The following KANSL1 variants were observed in gnomAD, a reference collection of about 807,000 sequenced individuals.
KANSL1 encodes KAT8 regulatory NSL complex subunit 1, also known as MLL1/MLL complex subunit KANSL1.
In KANSL1, 22 loss-of-function variants were observed where a neutral mutation model predicts 103.6. The observed-to-expected ratio is 0.21, with a 90% CI of 0.15 to 0.30. KANSL1 has a LOEUF of 0.30. Ranked by LOEUF, KANSL1 falls within the 10% of genes least tolerant of loss-of-function variation. The pLI is 1.00. For missense variants in KANSL1, 1,337 were observed against 1,399.8 expected, an observed-to-expected ratio of 0.96 and a Z score of 0.72; for synonymous variants, 600 against 527.6, an observed-to-expected ratio of 1.14 and a Z score of -1.88.
chr17:46,120,813 CAT>C (rs1185386627), intron 2 of KANSL1, among the ~76,000 whole-genome samples: 1 of 152,120 alleles, frequency 6.6e-6, no homozygotes, highest in Admixed American at 6.6e-5. Flanking sequence ...AAATGTAAAA[CAT>C]GTACTTACCA....
chr17:46,168,560 T>G (rs1048106885), intron 2 of KANSL1, among the ~76,000 whole-genome samples: 3 of 152,186 alleles, frequency 2.0e-5, no homozygotes, highest in Non-Finnish European at 2.9e-5. Context: ...TTGGTCAAAC[T>G]GGTCTCGAAC....
intron 2 of KANSL1, among the ~76,000 whole-genome samples, chr17:46,135,965 T>A (rs1263814689): frequency 1.3e-5 from 2 of 152,188 alleles, no homozygotes; most frequent in African/African-American, 2.4e-5. Context: ...ATTTTGAAGA[T>A]CTCTCCCATT....
chr17:46,196,040 G>T, upstream of KANSL1: 1 of 243,928 alleles, frequency 4.1e-6, no homozygotes, highest in Non-Finnish European at 8.1e-6. Flanking sequence ...TCCGGAGTTA[G>T]AGACCAGCCT....
At chr17:46,185,850 C>G (rs2047006964) in intron 1 of KANSL1, among the ~76,000 whole-genome samples, 1 of 151,990 alleles carries the variant, frequency 6.6e-6, no homozygotes, top group African/African-American at 2.4e-5. Flanking sequence ...AGCAAGATAC[C>G]ATCTCAAGAA....
intron 6 of KANSL1, among the ~76,000 whole-genome samples, chr17:46,058,169 ATCT>A (rs1434362809): frequency 3.9e-5 from 6 of 152,350 alleles, no homozygotes; most frequent in Admixed American, 3.3e-4. Context: ...AGCCCCAGAA[ATCT>A]TCATAAGATC....
chr17:46,209,656 G>A (rs2048094156), intron 1 of KANSL1, among the ~76,000 whole-genome samples: 1 of 152,214 alleles, frequency 6.6e-6, no homozygotes, highest in Non-Finnish European at 1.5e-5. Context: ...ACCACATTTG[G>A]CTGATTTTTG....
chr17:46,069,683 T>C (rs1398851151), intron 4 of KANSL1, among the ~76,000 whole-genome samples: 1 of 152,006 alleles, frequency 6.6e-6, no homozygotes, highest in African/African-American at 2.4e-5. Context: ...AAGTGGAGGT[T>C]GCAGTGAGCC....
At chr17:46,181,276 T>C (rs2046778422) in intron 1 of KANSL1, among the ~76,000 whole-genome samples, 3 of 152,246 alleles carry the variant, frequency 2.0e-5, no homozygotes, top group South Asian at 2.1e-4. Context: ...AGGTTTGGTA[T>C]GTCCTCTCTA....
chr17:46,088,123 T>G (rs537680987), intron 3 of KANSL1, among the ~76,000 whole-genome samples: 2 of 152,264 alleles, frequency 1.3e-5, no homozygotes, highest in Admixed American at 6.5e-5. Flanking sequence ...ACTCCAAGAG[T>G]GAAGCAAGCT....
Position 46,171,492 on chromosome 17 carries a change from C to G in KANSL1, c.652G>C (p.Glu218Gln), listed in dbSNP as rs1268624539. The G allele has an allele frequency of 6.2e-7, 1 of 1,613,944 alleles. No individual in the cohort carries two copies. Among genetic ancestry groups the G allele is most frequent in the Non-Finnish European group, 8.5e-7 (1 of 1,180,024 alleles). Residue 218 changes from glutamate (E) to glutamine (Q), a missense_variant, in exon 2 of 15, where the codon GAA becomes CAA. Transcript: ENST00000432791. ...TTATTGCTATACAAAGTTGTGTGTT[C>G]TACATCAAGGCTTCTATGTGGAAGA... is the stretch of plus-strand genomic sequence containing the variant. ...CTLPHRSLDVEHTTLYSNNST... is the reference protein window; with the variant it reads ...CTLPHRSLDVQHTTLYSNNST...
At chr17:46,152,221 A>G (rs1162475643) in intron 2 of KANSL1, among the ~76,000 whole-genome samples, 1 of 152,254 alleles carries the variant, frequency 6.6e-6, no homozygotes, top group Non-Finnish European at 1.5e-5. Context: ...TCTGTATCAT[A>G]AAAACATTTT....
intron 1 of KANSL1, among the ~76,000 whole-genome samples, chr17:46,187,738 T>C (rs1434535783): frequency 6.6e-6 from 1 of 152,244 alleles, no homozygotes; most frequent in Non-Finnish European, 1.5e-5. Context: ...TGCTACTAAA[T>C]GGGGAAGGTC....
intron 1 of KANSL1, among the ~76,000 whole-genome samples, chr17:46,191,543 T>C (rs1023406306): frequency 8.5e-5 from 13 of 152,380 alleles, no homozygotes; most frequent in Middle Eastern, 3.4e-3. Context: ...CGTACTAGTT[T>C]CCATACTTGA....
intron 2 of KANSL1, among the ~76,000 whole-genome samples, chr17:46,150,527 T>C (rs1434417196): frequency 1.3e-5 from 2 of 152,188 alleles, no homozygotes; most frequent in Non-Finnish European, 2.9e-5. Flanking sequence ...AATCAAGAGA[T>C]AAAAAAACAG....
At chr17:46,165,919 C>T (rs1254421249) in intron 2 of KANSL1, among the ~76,000 whole-genome samples, 2 of 152,102 alleles carry the variant, frequency 1.3e-5, no homozygotes, top group Non-Finnish European at 2.9e-5. Flanking sequence ...GGATAAAATT[C>T]CCCAGGAGGG....
intron 2 of KANSL1, among the ~76,000 whole-genome samples, chr17:46,143,489 C>T (rs1408326315): frequency 6.8e-6 from 1 of 146,020 alleles, no homozygotes; most frequent in Non-Finnish European, 1.5e-5. Flanking sequence ...AGCAAAACTT[C>T]GTCTCAAAAA....
At chr17:46,159,724 G>C (rs1233159707) in intron 2 of KANSL1, among the ~76,000 whole-genome samples, 2 of 152,218 alleles carry the variant, frequency 1.3e-5, no homozygotes, top group Non-Finnish European at 2.9e-5. Flanking sequence ...TCCTTTTCCA[G>C]CAACTGGGGA....
chr17:46,033,271 C>A lies in KANSL1; in HGVS notation c.2725-79G>T, dbSNP rs533501862. 2.6e-4 allele frequency: 370 copies of A among 1,436,222 alleles called. 1 individual carries two copies. Among genetic ancestry groups the A allele is most frequent in the Non-Finnish European group, 2.9e-4 (298 of 1,037,790 alleles). 89.0% of individuals were successfully genotyped at this position (1,436,222 alleles called of 1,614,324 possible). ...GTCCCACCCCATTCTAGGTTCTTCC[C>A]GGTCACGACAGGAATACAAGGAGCT... On this transcript the variant is annotated intron_variant, in intron 12 of 14. Coordinates refer to ENST00000432791, the MANE Select transcript of KANSL1 (RefSeq NM_015443.4).
chr17:46,064,728 T>C (rs950177153), intron 6 of KANSL1, among the ~76,000 whole-genome samples: 6 of 152,142 alleles, frequency 3.9e-5, no homozygotes, highest in African/African-American at 1.2e-4. Flanking sequence ...TTCCCAATCC[T>C]TTCCTCATCT....
Sources: gnomAD v4.1 joint callset for allele counts (sites outside exome capture counted in the v4.1 genomes callset) on GRCh38, gnomAD v4.1.1 for gene constraint, MANE v1.5 for transcripts, NCBI Gene and HGNC (gene_info 2026-07-23, HGNC 2026-07-21) for gene names.